Variants in DNAJB1 observed in about 807,000 individuals in gnomAD.
DNAJB1 encodes the protein DnaJ heat shock protein family (Hsp40) member B1.
Under a neutral mutation model 24.0 loss-of-function variants are expected in DNAJB1, and 14 were observed. The ratio of observed to expected loss-of-function variants is 0.58; its 90% CI spans 0.39 to 0.91. The LOEUF (loss-of-function observed/expected upper bound fraction) is 0.91, where lower values mean the gene tolerates loss of function less well. DNAJB1 is among the 40% of genes least tolerant of loss of function. The pLI, the probability that DNAJB1 is intolerant of heterozygous loss-of-function variation, is 0.00. For synonymous variants in DNAJB1, 262 were observed against 174.4 expected (o/e 1.50, Z -3.96); for missense variants, 517 against 458.1 (o/e 1.13, Z -1.17).
chr19:14,559,868 G>C (rs568756256), intron 1 of DNAJB1, among the ~76,000 whole-genome samples: 19 of 152,280 alleles, frequency 1.2e-4, no homozygotes, highest in African/African-American at 3.8e-4. Flanking sequence ...GAGCCTTTCA[G>C]TCCTCTCTCT....
chr19:14,540,805 A>G (rs770505477), intron 1 of DNAJB1, among the ~76,000 whole-genome samples: 38 of 152,176 alleles, frequency 2.5e-4, no homozygotes, highest in Non-Finnish European at 3.5e-4. Flanking sequence ...CTGGGACTGC[A>G]GGTGTGTATC....
intron 1 of DNAJB1, 70 bp from the exon 2 acceptor site, chr19:14,517,116 G>C (rs2072281684): frequency 1.3e-6 from 2 of 1,501,522 alleles, no homozygotes; most frequent in African/African-American, 1.4e-5. Flanking sequence ...CCTTACAGGG[G>C]GAAACAGCTT....
At chr19:14,551,936 T>C (rs1192394840), upstream of DNAJB1, among the ~76,000 whole-genome samples, 2 of 93,184 alleles carry the variant, frequency 2.1e-5, no homozygotes, top group African/African-American at 4.0e-5. Context: ...CCTCTCTCTC[T>C]CCCTCCCTCC....
Position 14,550,125 on chromosome 19 carries a change from G to C in DNAJB1, c.-214+83C>G, listed in dbSNP as rs1016822297. On this transcript the variant is annotated intron_variant, in intron 1 of 3. Transcript: ENST00000676982. ...GAGTTCCATGCGAGCAGGGATTTTT[G>C]TCTCTCCTTCTATAGCTGAACCCCA... 1.4e-4 allele frequency among the ~76,000 whole-genome samples: 21 copies of C among 151,860 alleles called. 1 individual carries two copies. Among genetic ancestry groups the C allele is most frequent in the Admixed American group, 1.2e-3 (18 of 15,234 alleles).
At chr19:14,516,206 G>A (rs770019920) in intron 2 of DNAJB1, 36 bp from the exon 3 acceptor site, 16 of 1,607,632 alleles carry the variant, frequency 1.0e-5, no homozygotes, top group African/African-American at 1.3e-5. Flanking sequence ...GATGGAAGCT[G>A]GCTCAAGAGG....
intron 1 of DNAJB1, among the ~76,000 whole-genome samples, chr19:14,548,840 G>T (rs1411071803): frequency 6.6e-6 from 1 of 152,084 alleles, no homozygotes; most frequent in Non-Finnish European, 1.5e-5. Flanking sequence ...CTCCCAAAGT[G>T]CTGTGATTAC....
rs138861615 is a variant in DNAJB1 at position 14,545,758 on chromosome 19, A to T, written c.-214+4450T>A. On this transcript the variant is annotated intron_variant, in intron 1 of 3. Transcript: ENST00000676982. ...CCCTGCACACGGTTGAGCCCTTTGT[A>T]GGTCTCCGTGTGACAAGTACATCCC... 3.8e-3 allele frequency: 588 copies of T among 154,816 alleles called. 7 individuals carry two copies. Among genetic ancestry groups the T allele is most frequent in the African/African-American group, 0.012 (511 of 41,570 alleles). 9.6% of individuals were successfully genotyped at this position (154,816 alleles called of 1,614,324 possible).
At position 14,518,215 on chromosome 19, in the gene DNAJB1, G is replaced by A. The variant is rs149631311; in HGVS notation, c.135C>T (p.Phe45=). 168 of 1,610,320 alleles carry A rather than the reference G, an allele frequency of 1.0e-4. No individual in the cohort carries two copies. The African/African-American group carries it at 1.2e-3, about 12-fold the overall frequency. Residue 45 remains phenylalanine (F), a synonymous_variant, in exon 1 of 3, where the codon TTC becomes TTT. Coordinates refer to ENST00000254322, the MANE Select transcript of DNAJB1 (RefSeq NM_006145.3). The stretch of plus-strand genomic sequence containing the variant: ...CGTCGTAGGCCTCAGCGATCTCCTT[G>A]AACTTCTCCTCGGCGCCGGGCTCCT... ...KNKEPGAEEK[F]KEIAEAYDVL... is the part of the protein sequence containing the mutation.
rs540074207 is a variant in DNAJB1, at chr19:14,540,330, A to C, written c.-214+9878T>G. On this transcript the variant is annotated intron_variant, in intron 1 of 3. Coordinates refer to the DNAJB1 transcript ENST00000676982. ...TGATCCACCCTCCTCAGCCTCCCAA[A>C]GTGTTGGGATTACAGGCGTGAGCCA... Among the ~76,000 whole-genome samples, 219 of 151,582 alleles carry C rather than the reference A, an allele frequency of 1.4e-3. 6 individuals are homozygous for C. In the South Asian group the frequency reaches 0.044, roughly 30 times the overall value.
At chr19:14,521,850 G>A (rs552352001), upstream of DNAJB1, among the ~76,000 whole-genome samples, 1 of 152,316 alleles carries the variant, frequency 6.6e-6, no homozygotes, top group East Asian at 1.9e-4. Flanking sequence ...TTGAACTCCT[G>A]ACCTCAGGTG....
chr19:14,554,710 C>T (rs2073656776), upstream of DNAJB1, among the ~76,000 whole-genome samples: 1 of 152,110 alleles, frequency 6.6e-6, no homozygotes. Flanking sequence ...ATCCCCACAC[C>T]CACTCCACTC....
At chr19:14,535,506 CAAAAAAAAAAAAAAAAAAAA>C (rs1172079027) in intron 1 of DNAJB1, among the ~76,000 whole-genome samples, 36 of 17,162 alleles carry the variant, frequency 2.1e-3, no homozygotes, top group African/African-American at 9.8e-3. Flanking sequence ...GACTCCGTCT[CAAAAAAAAAAAAAAAAAAAA>C]AAAAAAAAAA....
At chr19:14,529,780 C>G, upstream of DNAJB1, 1 of 1,607,190 alleles carries the variant, frequency 6.2e-7, no homozygotes, top group Non-Finnish European at 8.5e-7. Context: ...TGCGGGACCA[C>G]GGGACCCCAC....
In DNAJB1 at chr19:14,548,641, G is replaced by A. The variant is rs905831222; in HGVS notation, c.-214+1567C>T. Among the ~76,000 whole-genome samples the A allele has an allele frequency of 3.3e-5, 5 of 151,960 alleles. No homozygotes were observed. In the East Asian group the frequency reaches 7.7e-4, roughly 23 times the overall value. The stretch of plus-strand genomic sequence containing the variant: ...CGCCCAGGCTGGAGTGCGGTGGTGC[G>A]ATCTCGACTCACTGCAACCTCCGCT... On this transcript the variant is annotated intron_variant, in intron 1 of 3. Coordinates refer to the DNAJB1 transcript ENST00000676982.
rs140996277 is a variant in DNAJB1 at position 14,516,902 on chromosome 19, C to T, written c.356G>A (p.Arg119Gln). 6 of 1,613,936 alleles carry T rather than the reference C, an allele frequency of 3.7e-6. No individual in the cohort carries two copies. Among genetic ancestry groups the T allele is most frequent in the African/African-American group, 1.3e-5 (1 of 74,904 alleles). ...RNPFDTFFGQ[R>Q]NGEEGMDIDD... ...AATGTCCATGCCTTCCTCCCCGTTC[C>T]GCTGCCCAAAAAAGGTGTCAAAGGG... Residue 119 changes from arginine (R) to glutamine (Q), a missense_variant, in exon 2 of 3, where the codon CGG becomes CAG. By Grantham distance (43) the Arg-to-Gln change is conservative. Coordinates refer to ENST00000254322, the MANE Select transcript of DNAJB1 (RefSeq NM_006145.3).
upstream of DNAJB1, chr19:14,529,804 G>A (rs140756444): frequency 3.4e-4 from 544 of 1,582,328 alleles, no homozygotes; most frequent in African/African-American, 6.4e-3. Context: ...CTGGTCCTGT[G>A]CCCCGAAGGA....
Position 14,516,175 on chromosome 19 carries a change from A to T in DNAJB1, c.793-5T>A. On this transcript the variant is annotated splice_region_variant and splice_polypyrimidine_tract_variant and intron_variant, in intron 2 of 2. Transcript: ENST00000254322. ...CACTGTGCAGCCACACAGAGCCTTG[A>T]AAAGCAAAAGGACAGCATTAGATGG... 2 of 1,613,408 alleles carry T rather than the reference A, an allele frequency of 1.2e-6. No individual in the cohort carries two copies. Among genetic ancestry groups the T allele is most frequent in the Non-Finnish European group, 1.7e-6 (2 of 1,179,868 alleles).
chr19:14,535,545 T>TAA (rs2072852773), intron 1 of DNAJB1, among the ~76,000 whole-genome samples: 1 of 5,170 alleles, frequency 1.9e-4, no homozygotes, highest in African/African-American at 8.9e-4. Flanking sequence ...AAAAAAAAAA[T>TAA]ATATATATAT....
upstream of DNAJB1, among the ~76,000 whole-genome samples, chr19:14,553,402 C>T (rs528784890): frequency 3.1e-3 from 466 of 152,010 alleles, 2 homozygotes; most frequent in Middle Eastern, 0.01. Context: ...CTCAGCCCTT[C>T]CTCCCCACCC....
Sources: allele counts gnomAD v4.1 joint callset (sites outside exome capture counted in the v4.1 genomes callset), GRCh38; gene constraint gnomAD v4.1.1; transcripts MANE v1.5; gene names NCBI Gene and HGNC (gene_info 2026-07-23, HGNC 2026-07-21).